The following DMRT1 variants were observed in gnomAD, a reference collection of about 807,000 sequenced individuals.
The protein encoded by DMRT1 is doublesex- and mab-3-related transcription factor 1.
DMRT1 carries 7 observed loss-of-function variants against 32.3 expected under a neutral mutation model. The observed-to-expected ratio is 0.22, with a 90% CI of 0.12 to 0.41. The LOEUF (loss-of-function observed/expected upper bound fraction) is 0.41. Among genes scored for constraint, DMRT1 ranks in the 10% least tolerant of loss-of-function variants. The probability of loss-of-function intolerance (pLI) is 1.00; values close to 1 mark genes in which losing one functional copy is unlikely to be tolerated. For missense variants in DMRT1, 625 were observed against 500.5 expected, an observed-to-expected ratio of 1.25 and a Z score of -2.37; for synonymous variants, 278 against 206.1, an observed-to-expected ratio of 1.35 and a Z score of -2.99.
At chr9:930,661 G>A (rs1254387994) in intron 4 of DMRT1, among the ~76,000 whole-genome samples, 1 of 152,042 alleles carries the variant, frequency 6.6e-6, no homozygotes, top group Admixed American at 6.6e-5. Context: ...GCCTGCCTCA[G>A]CTTCCCAAAG....
At chr9:886,934 C>T (rs1181626942) in intron 2 of DMRT1, among the ~76,000 whole-genome samples, 1 of 152,166 alleles carries the variant, frequency 6.6e-6, no homozygotes, top group Non-Finnish European at 1.5e-5. Context: ...TCGGATATTC[C>T]TTCTGAAGCT....
At chr9:873,417 T>C (rs2132613937) in intron 2 of DMRT1, among the ~76,000 whole-genome samples, 1 of 152,216 alleles carries the variant, frequency 6.6e-6, no homozygotes, top group East Asian at 1.9e-4. Flanking sequence ...GTGATTCTCC[T>C]GCCTCAGACT....
intron 2 of DMRT1, among the ~76,000 whole-genome samples, chr9:859,849 C>T (rs1267854495): frequency 7.0e-6 from 1 of 142,156 alleles, no homozygotes; most frequent in African/African-American, 2.8e-5. Context: ...AGCAGATTTT[C>T]TGATGTTTAT....
intron 2 of DMRT1, among the ~76,000 whole-genome samples, chr9:867,323 A>G (rs1409462314): frequency 1.3e-5 from 2 of 152,244 alleles, no homozygotes; most frequent in Admixed American, 1.3e-4. Context: ...ACACACGACT[A>G]TGAATCACGT....
chr9:842,228 TA>T, intron 1 of DMRT1, 36 bp downstream of exon 1: 1 of 1,485,362 alleles, frequency 6.7e-7, no homozygotes, highest in Non-Finnish European at 8.9e-7. Context: ...GGTTCAGCCT[TA>T]GTTTTTTTTT....
intron 3 of DMRT1, chr9:894,516 T>G (rs530433471): frequency 2.6e-6 from 1 of 390,792 alleles, no homozygotes; most frequent in African/African-American, 2.1e-5. Context: ...GAATGTTGCA[T>G]AAATAACCAG....
Position 907,867 on chromosome 9 carries a change from T to C in DMRT1, c.823-8896T>C, listed in dbSNP as rs1278543340. On this transcript the variant is annotated intron_variant, in intron 3 of 4. Coordinates refer to ENST00000382276, the MANE Select transcript of DMRT1 (RefSeq NM_021951.3). Reference sequence around the variant, plus strand: ...TGTGTGTGTGTGTGTGTTATATGTATATAACACACACTGACTGCATACTGA... The same window carrying C: ...TGTGTGTGTGTGTGTGTTATATGTACATAACACACACTGACTGCATACTGA... Among the ~76,000 whole-genome samples the C allele has an allele frequency of 2.0e-5, 3 of 151,196 alleles. No individual in the cohort carries two copies. In the East Asian group the frequency reaches 5.8e-4, roughly 29 times the overall value.
intron 4 of DMRT1, among the ~76,000 whole-genome samples, chr9:917,200 C>T (rs567933873): frequency 1.3e-5 from 2 of 152,124 alleles, no homozygotes; most frequent in South Asian, 4.1e-4. Flanking sequence ...ATATGAAATA[C>T]AGGGGCACTT....
chr9:897,592 C>CAA (rs74310825), intron 3 of DMRT1, among the ~76,000 whole-genome samples: 14 of 126,206 alleles, frequency 1.1e-4, no homozygotes, highest in Admixed American at 5.6e-4. Flanking sequence ...ACACTGTCTC[C>CAA]AAAAAAAAAA....
intron 3 of DMRT1, among the ~76,000 whole-genome samples, chr9:899,702 A>G (rs978451094): frequency 6.6e-6 from 1 of 152,156 alleles, no homozygotes; most frequent in Non-Finnish European, 1.5e-5. Flanking sequence ...TGCCTTGTGC[A>G]CTCCTCCACC....
chr9:954,838 C>T (rs959230332), intron 4 of DMRT1, among the ~76,000 whole-genome samples: 2 of 151,998 alleles, frequency 1.3e-5, no homozygotes, highest in African/African-American at 2.4e-5. Context: ...GACAGGGTTT[C>T]ACCATGTTGG....
chr9:848,310 G>A (rs1376506071), intron 2 of DMRT1, among the ~76,000 whole-genome samples: 2 of 152,110 alleles, frequency 1.3e-5, no homozygotes, highest in Non-Finnish European at 2.9e-5. Flanking sequence ...GGGTTCCTGA[G>A]GGTCTTAAAG....
chr9:862,512 G>C (rs1401765343), intron 2 of DMRT1, among the ~76,000 whole-genome samples: 11 of 148,444 alleles, frequency 7.4e-5, no homozygotes, highest in Non-Finnish European at 1.2e-4. Context: ...ACCGTGCAAT[G>C]GGGAGGGGGA....
chr9:911,963 C>G (rs1234741415), intron 3 of DMRT1, among the ~76,000 whole-genome samples: 2 of 152,100 alleles, frequency 1.3e-5, no homozygotes, highest in Non-Finnish European at 2.9e-5. Context: ...ATGTACTAGT[C>G]TGTTCTCACA....
chr9:908,959 T>C (rs1294774853), intron 3 of DMRT1, among the ~76,000 whole-genome samples: 1 of 151,522 alleles, frequency 6.6e-6, no homozygotes, highest in Admixed American at 6.6e-5. Flanking sequence ...ACCCCTCCCC[T>C]GTCCACCCCT....
intron 4 of DMRT1, among the ~76,000 whole-genome samples, chr9:955,696 C>G (rs1212492905): frequency 6.6e-6 from 1 of 152,124 alleles, no homozygotes; most frequent in Non-Finnish European, 1.5e-5. Flanking sequence ...GTATGAAACC[C>G]TGTTTCAAAA....
At chr9:877,102 C>T (rs1374433381) in intron 2 of DMRT1, among the ~76,000 whole-genome samples, 1 of 152,228 alleles carries the variant, frequency 6.6e-6, no homozygotes, top group Non-Finnish European at 1.5e-5. Flanking sequence ...TCTGTGGTCA[C>T]ATTCTGTGAA....
At chr9:877,678 C>G (rs1430340397) in intron 2 of DMRT1, among the ~76,000 whole-genome samples, 1 of 152,172 alleles carries the variant, frequency 6.6e-6, no homozygotes, top group Admixed American at 6.5e-5. Flanking sequence ...CTCTGTGTCT[C>G]TGTTCACTTT....
chr9:849,291 T>C (rs1281458187), intron 2 of DMRT1, among the ~76,000 whole-genome samples: 1 of 152,276 alleles, frequency 6.6e-6, no homozygotes, highest in African/African-American at 2.4e-5. Flanking sequence ...AACGATTGTT[T>C]AGAGGCTGTG....
Sources: allele counts gnomAD v4.1 joint callset (sites outside exome capture counted in the v4.1 genomes callset), GRCh38; gene constraint gnomAD v4.1.1; transcripts MANE v1.5; gene names NCBI Gene and HGNC (gene_info 2026-07-23, HGNC 2026-07-21).